Variants in TMC1 observed in about 807,000 individuals in gnomAD.
TMC1 encodes the protein transmembrane channel like 1.
In TMC1, 84 loss-of-function variants were observed where a neutral mutation model predicts 105.8. The observed-to-expected ratio is 0.79, with a 90% CI of 0.67 to 0.95. The LOEUF (loss-of-function observed/expected upper bound fraction) is 0.95. TMC1 is among the 40% of genes least tolerant of loss of function. The probability of loss-of-function intolerance (pLI) is 0.00; values close to 1 mark genes in which losing one functional copy is unlikely to be tolerated. For synonymous variants in TMC1, 315 were observed against 311.5 expected, an observed-to-expected ratio of 1.01 and a Z score of -0.12; for missense variants, 817 against 914.1, an observed-to-expected ratio of 0.89 and a Z score of 1.37.
At chr9:72,802,218 C>T (rs1228216270) in intron 17 of TMC1, among the ~76,000 whole-genome samples, 5 of 151,542 alleles carry the variant, frequency 3.3e-5, no homozygotes, top group Non-Finnish European at 4.4e-5. Flanking sequence ...CATAGCAAGA[C>T]CCCTGTCTCT....
intron 23 of TMC1, among the ~76,000 whole-genome samples, chr9:72,831,077 G>A (rs959229514): frequency 5.3e-5 from 8 of 151,954 alleles, no homozygotes; most frequent in African/African-American, 1.9e-4. Context: ...ATCCCAAGAG[G>A]GTCCTCTGGG....
chr9:72,623,023 GC>G (rs1825280966), intron 3 of TMC1, among the ~76,000 whole-genome samples: 1 of 147,056 alleles, frequency 6.8e-6, no homozygotes, highest in Admixed American at 6.8e-5. Context: ...CTGCACTCCA[GC>G]CTGGGTGACA....
At chr9:72,821,114 G>C (rs367567160) in intron 20 of TMC1, 33 bp downstream of exon 20, 1 of 1,613,850 alleles carries the variant, frequency 6.2e-7, no homozygotes, top group Non-Finnish European at 8.5e-7. Flanking sequence ...CTCAGGCATC[G>C]TGTTCTTTCG....
chr9:72,761,948 C>T (rs1827762840), intron 12 of TMC1, among the ~76,000 whole-genome samples: 1 of 152,092 alleles, frequency 6.6e-6, no homozygotes, highest in Admixed American at 6.5e-5. Flanking sequence ...AAAGGTGAAT[C>T]ATTTTAGGTT....
Position 72,740,102 on chromosome 9 carries a change from T to A in TMC1, c.363-17T>A. 9 of 1,602,704 alleles carry A rather than the reference T, an allele frequency of 5.6e-6. No homozygotes were observed. Among genetic ancestry groups the A allele is most frequent in the Non-Finnish European group, 7.7e-6 (9 of 1,169,798 alleles). On this transcript the variant is annotated splice_polypyrimidine_tract_variant and intron_variant, in intron 8 of 23. Coordinates refer to ENST00000297784, the MANE Select transcript of TMC1 (RefSeq NM_138691.3). ...ACTCACCTCCTTTTATCCCTTATGT[T>A]ATTTTTATTTTCTCAGGGAGGCAAA... is the stretch of plus-strand genomic sequence containing the variant.
At chr9:72,594,468 T>C (rs1192917606) in intron 2 of TMC1, among the ~76,000 whole-genome samples, 1 of 152,234 alleles carries the variant, frequency 6.6e-6, no homozygotes, top group East Asian at 1.9e-4. Context: ...TAAATCTTTT[T>C]GGCTTACGAC....
chr9:72,663,985 T>A (rs1056142841), intron 5 of TMC1, among the ~76,000 whole-genome samples: 4 of 152,278 alleles, frequency 2.6e-5, no homozygotes, highest in African/African-American at 9.6e-5. Flanking sequence ...CACCTCCACA[T>A]CTTGTCCCAC....
intron 8 of TMC1, among the ~76,000 whole-genome samples, chr9:72,702,934 A>G (rs1826668900): frequency 1.3e-5 from 2 of 152,108 alleles, no homozygotes; most frequent in Admixed American, 6.5e-5. Context: ...GTACGAAAGC[A>G]GACACTGACA....
chr9:72,677,985 G>A (rs1356273857), intron 5 of TMC1, among the ~76,000 whole-genome samples: 1 of 152,100 alleles, frequency 6.6e-6, no homozygotes, highest in East Asian at 1.9e-4. Context: ...TTGATGGCAG[G>A]AACTTGAATT....
intron 12 of TMC1, among the ~76,000 whole-genome samples, chr9:72,768,351 A>G (rs1827871885): frequency 6.6e-6 from 1 of 152,172 alleles, no homozygotes; most frequent in South Asian, 2.1e-4. Flanking sequence ...GAGGGATAGC[A>G]TTAGAAGGAA....
At chr9:72,758,139 T>C (rs1389817593) in intron 12 of TMC1, among the ~76,000 whole-genome samples, 1 of 152,190 alleles carries the variant, frequency 6.6e-6, no homozygotes, top group African/African-American at 2.4e-5. Flanking sequence ...TCATGACTTT[T>C]GAAGTTTGAA....
intron 13 of TMC1, among the ~76,000 whole-genome samples, chr9:72,776,218 G>A (rs1005961953): frequency 2.0e-5 from 3 of 151,540 alleles, no homozygotes; most frequent in African/African-American, 7.3e-5. Context: ...CAAAATTTTT[G>A]TCTACATAGA....
At chr9:72,738,207 T>TG (rs940393665) in intron 8 of TMC1, among the ~76,000 whole-genome samples, 3 of 152,216 alleles carry the variant, frequency 2.0e-5, no homozygotes, top group African/African-American at 7.2e-5. Flanking sequence ...TTCTGTTTGA[T>TG]GACCGAAGAG....
intron 17 of TMC1, among the ~76,000 whole-genome samples, chr9:72,796,417 CA>C (rs976166991): frequency 1.5e-4 from 23 of 151,964 alleles, no homozygotes; most frequent in Admixed American, 2.6e-4. Context: ...AGAGACACAA[CA>C]AAAAAAGAAA....
intron 3 of TMC1, among the ~76,000 whole-genome samples, chr9:72,623,612 G>A (rs1390045175): frequency 6.6e-6 from 1 of 152,036 alleles, no homozygotes; most frequent in Non-Finnish European, 1.5e-5. Flanking sequence ...GAGCAGGTTC[G>A]ATCATATTTC....
At chr9:72,571,442 C>CTTTTT (rs35382914) in intron 1 of TMC1, among the ~76,000 whole-genome samples, 8 of 139,092 alleles carry the variant, frequency 5.8e-5, no homozygotes, top group Non-Finnish European at 9.2e-5. Flanking sequence ...CAACCTCACG[C>CTTTTT]TTTTTTTTTT....
chr9:72,725,592 T>C (rs929310972), intron 8 of TMC1, among the ~76,000 whole-genome samples: 3 of 151,386 alleles, frequency 2.0e-5, no homozygotes, highest in Admixed American at 6.6e-5. Flanking sequence ...CATTTTCAGA[T>C]TTTTCTGCTT....
rs536731850 is a variant in TMC1, at chr9:72,539,557, G to A, written c.-428+17644G>A. Among the ~76,000 whole-genome samples the A allele has an allele frequency of 1.1e-3, 165 of 152,086 alleles. 3 individuals are homozygous for A. The highest frequency in any genetic ancestry group is 0.011 in the South Asian group (51 of 4,824). ...ATGGAACCCTTTGCTCTAGTTCCCAGTAAGTTTCTCATTTCCTTCTGAGAC... is the reference window on the plus strand; with the variant it reads ...ATGGAACCCTTTGCTCTAGTTCCCAATAAGTTTCTCATTTCCTTCTGAGAC... On this transcript the variant is annotated intron_variant, in intron 1 of 23. Transcript: ENST00000297784.
chr9:72,681,574 G>T (rs899227379), intron 5 of TMC1, among the ~76,000 whole-genome samples: 3 of 152,072 alleles, frequency 2.0e-5, no homozygotes, highest in African/African-American at 7.2e-5. Context: ...CTCAGGGGTG[G>T]TAGAATTTGG....
Sources: allele counts gnomAD v4.1 joint callset (sites outside exome capture counted in the v4.1 genomes callset), GRCh38; gene constraint gnomAD v4.1.1; transcripts MANE v1.5; gene names NCBI Gene and HGNC (gene_info 2026-07-23, HGNC 2026-07-21).